Variants in CBFB observed in about 807,000 individuals in gnomAD.
The protein encoded by CBFB is CBF-beta.
CBFB carries 9 observed loss-of-function variants against 30.4 expected under a neutral mutation model. The ratio of observed to expected loss-of-function variants is 0.30; its 90% confidence interval spans 0.18 to 0.52. The LOEUF (loss-of-function observed/expected upper bound fraction) is 0.52, where lower values mean the gene tolerates loss of function less well. Among genes scored for constraint, CBFB ranks in the 20% least tolerant of loss-of-function variants. The pLI is 0.97. For synonymous variants in CBFB, 94 were observed against 84.0 expected, an observed-to-expected ratio of 1.12 and a Z score of -0.65; for missense variants, 170 against 244.0, an observed-to-expected ratio of 0.70 and a Z score of 2.02.
At chr16:67,047,585 T>C (rs1255851611) in intron 3 of CBFB, among the ~76,000 whole-genome samples, 2 of 152,340 alleles carry the variant, frequency 1.3e-5, no homozygotes, top group Admixed American at 6.5e-5. Flanking sequence ...TCATAGATGT[T>C]CAAAGTTTGT....
intron 3 of CBFB, among the ~76,000 whole-genome samples, chr16:67,064,822 TTTG>T (rs142810132): frequency 0.018 from 2,771 of 152,258 alleles, 79 homozygotes; most frequent in African/African-American, 0.062. Context: ...GTTTTTGTTT[TTTG>T]TTGTTGTTTT....
intron 5 of CBFB, among the ~76,000 whole-genome samples, chr16:67,088,778 G>C (rs1961798609): frequency 1.3e-5 from 2 of 152,198 alleles, no homozygotes; most frequent in Non-Finnish European, 2.9e-5. Flanking sequence ...CAGAGGTTTA[G>C]GGATGTCCTC....
At chr16:67,078,558 T>C (rs1296062646) in intron 4 of CBFB, among the ~76,000 whole-genome samples, 7 of 151,424 alleles carry the variant, frequency 4.6e-5, no homozygotes, top group Non-Finnish European at 7.4e-5. Context: ...AAAAAGAGAG[T>C]AAAGAAAAGA....
chr16:67,050,616 A>G (rs1488987880), intron 3 of CBFB, among the ~76,000 whole-genome samples: 2 of 151,966 alleles, frequency 1.3e-5, no homozygotes, highest in Non-Finnish European at 2.9e-5. Flanking sequence ...GCAATATGAG[A>G]CCCTGTCTGT....
intron 2 of CBFB, among the ~76,000 whole-genome samples, chr16:67,033,127 G>A (rs1966381064): frequency 6.6e-6 from 1 of 151,944 alleles, no homozygotes; most frequent in African/African-American, 2.4e-5. Flanking sequence ...CACCGACCTC[G>A]GCCTCCCAAA....
chr16:67,082,697 T>C (rs915700461), intron 5 of CBFB, among the ~76,000 whole-genome samples: 1 of 152,190 alleles, frequency 6.6e-6, no homozygotes, highest in Non-Finnish European at 1.5e-5. Context: ...TTTCCATTTT[T>C]CTATGAATAT....
At chr16:67,092,058 C>A (rs1162930818) in intron 5 of CBFB, among the ~76,000 whole-genome samples, 1 of 152,126 alleles carries the variant, frequency 6.6e-6, no homozygotes, top group Non-Finnish European at 1.5e-5. Flanking sequence ...TCTCCCTCCC[C>A]TTCCCCCCTA....
intron 3 of CBFB, among the ~76,000 whole-genome samples, chr16:67,057,419 G>T (rs1022726557): frequency 1.3e-5 from 2 of 152,114 alleles, no homozygotes; most frequent in African/African-American, 2.4e-5. Context: ...TCTTGTAATA[G>T]AATTTTTTTT....
intron 3 of CBFB, among the ~76,000 whole-genome samples, chr16:67,042,163 A>G (rs922254896): frequency 3.3e-5 from 5 of 152,078 alleles, no homozygotes; most frequent in African/African-American, 1.2e-4. Context: ...ACCTCAAGTG[A>G]TCCTCCTGCC....
At chr16:67,074,488 T>C (rs1312648592) in intron 4 of CBFB, among the ~76,000 whole-genome samples, 1 of 151,776 alleles carries the variant, frequency 6.6e-6, no homozygotes, top group Non-Finnish European at 1.5e-5. Flanking sequence ...GTTCAAGTGA[T>C]TCTCCTGCCT....
At chr16:67,060,531 G>A (rs1043208420) in intron 3 of CBFB, among the ~76,000 whole-genome samples, 5 of 151,840 alleles carry the variant, frequency 3.3e-5, no homozygotes, top group South Asian at 2.1e-4. Flanking sequence ...CTTTCTGTAC[G>A]TTTCTGGGGG....
chr16:67,088,608 G>A (rs1432422867), intron 5 of CBFB, among the ~76,000 whole-genome samples: 3 of 152,184 alleles, frequency 2.0e-5, no homozygotes, highest in Non-Finnish European at 4.4e-5. Context: ...ATTAAGAACC[G>A]TTTTGCCTGG....
At chr16:67,048,163 G>T (rs890830702) in intron 3 of CBFB, among the ~76,000 whole-genome samples, 1 of 151,948 alleles carries the variant, frequency 6.6e-6, no homozygotes, top group Non-Finnish European at 1.5e-5. Flanking sequence ...AGTTGCTTGG[G>T]CCTGGGAGGC....
chr16:67,079,452 C>T (rs1961494315), intron 4 of CBFB, among the ~76,000 whole-genome samples: 1 of 151,160 alleles, frequency 6.6e-6, no homozygotes, highest in Admixed American at 6.6e-5. Flanking sequence ...ACAAGATATC[C>T]AGCAGTACAC....
At chr16:67,056,307 G>A (rs1287668349) in intron 3 of CBFB, among the ~76,000 whole-genome samples, 1 of 152,208 alleles carries the variant, frequency 6.6e-6, no homozygotes, top group African/African-American at 2.4e-5. Context: ...GCTGTCAGCT[G>A]TGAGTTCAGT....
intron 5 of CBFB, among the ~76,000 whole-genome samples, chr16:67,086,694 T>C (rs1961741783): frequency 6.6e-6 from 1 of 152,240 alleles, no homozygotes; most frequent in Admixed American, 6.5e-5. Context: ...TTGGTTTATA[T>C]TAACTAGTTA....
intron 3 of CBFB, among the ~76,000 whole-genome samples, chr16:67,048,453 A>T (rs1434180971): frequency 6.6e-6 from 1 of 152,192 alleles, no homozygotes; most frequent in African/African-American, 2.4e-5. Flanking sequence ...CACTTTTTTA[A>T]AAGCTATTTA....
At chr16:67,054,168 TCTTC>T (rs1381305134) in intron 3 of CBFB, among the ~76,000 whole-genome samples, 1 of 152,150 alleles carries the variant, frequency 6.6e-6, no homozygotes, top group African/African-American at 2.4e-5. Context: ...AGTTTTTCTG[TCTTC>T]CTGTTTCTTG....
At chr16:67,047,356 A>G (rs1480323655) in intron 3 of CBFB, among the ~76,000 whole-genome samples, 1 of 152,176 alleles carries the variant, frequency 6.6e-6, no homozygotes, top group Non-Finnish European at 1.5e-5. Context: ...CCTAAGAGGG[A>G]AAGGGCTGAG....
Sources: allele counts gnomAD v4.1 joint callset (sites outside exome capture counted in the v4.1 genomes callset), GRCh38; gene constraint gnomAD v4.1.1; transcripts MANE v1.5; gene names NCBI Gene and HGNC (gene_info 2026-07-23, HGNC 2026-07-21).